SGSM2: variants seen among roughly 807,000 people sequenced by gnomAD.
SGSM2 encodes the protein RUN and TBC1 domain containing 1.
A neutral mutation model predicts 126.6 loss-of-function variants in SGSM2; 89 were observed. That is an observed-to-expected ratio of 0.70 (90% CI 0.59 to 0.84). The LOEUF (loss-of-function observed/expected upper bound fraction) is 0.84. Among genes scored for constraint, SGSM2 ranks in the 40% least tolerant of loss-of-function variants. SGSM2 has a pLI of 0.00. For synonymous variants in SGSM2, 614 were observed against 574.3 expected (o/e 1.07, Z -0.99); for missense variants, 1,404 against 1,416.6 (o/e 0.99, Z 0.14).
At position 2,375,366 on chromosome 17, in the gene SGSM2, T is replaced by C. The variant is rs951310233; in HGVS notation, c.2101-126T>C. On this transcript the variant is annotated intron_variant, in intron 17 of 23. Transcript: ENST00000268989. The stretch of plus-strand genomic sequence containing the variant: ...GCTTGGTGCCCCGTGGCCACAGTGT[T>C]GGAGGCTGTGGTGGGAGAGGGGGTG... 1.1e-5 allele frequency: 14 copies of C among 1,246,090 alleles called. No homozygotes were observed. The Admixed American group carries it at 1.8e-4, about 16-fold the overall frequency. The allele number at this position is 1,246,090 out of a possible 1,614,324, so 77.2% of individuals were successfully genotyped here.
intron 2 of SGSM2, among the ~76,000 whole-genome samples, chr17:2,350,799 G>C (rs141199946): frequency 6.6e-6 from 1 of 152,108 alleles, no homozygotes; most frequent in East Asian, 1.9e-4. Context: ...AGTCCCCTTC[G>C]GTGTGGTAGG....
chr17:2,339,707 C>CA (rs747440533), intron 1 of SGSM2, among the ~76,000 whole-genome samples: 1,890 of 59,916 alleles, frequency 0.032, 30 homozygotes, highest in African/African-American at 0.071. Flanking sequence ...CACTCCATCT[C>CA]AAAAAAAAAA....
intron 1 of SGSM2, among the ~76,000 whole-genome samples, chr17:2,342,611 C>T (rs143720753): frequency 5.2e-4 from 79 of 152,258 alleles, no homozygotes; most frequent in Admixed American, 1.4e-3. Flanking sequence ...AAATTCACCA[C>T]GCTGTGTAAT....
intron 2 of SGSM2, among the ~76,000 whole-genome samples, chr17:2,348,847 G>C (rs764111451): frequency 2.0e-5 from 3 of 152,008 alleles, no homozygotes; most frequent in East Asian, 1.9e-4. Context: ...ACTCAGCCTC[G>C]ACCTTCTGGG....
chr17:2,375,874 CTG>C lies in SGSM2; in HGVS notation c.2484+2_2484+3del. 1.3e-6 allele frequency: 2 copies of C among 1,519,104 alleles called. No individual in the cohort carries two copies. The highest frequency in any genetic ancestry group is 1.8e-6 in the Non-Finnish European group (2 of 1,141,720). The allele number at this position is 1,519,104 out of a possible 1,614,324, so 94.1% of individuals were successfully genotyped here. ...GCGGCTGTGTGTGCGGCTGCCTACA[CTG>C]TGCGTACATGCTCCCCAGGCTGTTC... On this transcript the variant is annotated splice_donor_variant and coding_sequence_variant, in exon 18 of 24. Coordinates refer to ENST00000268989, the MANE Select transcript of SGSM2 (RefSeq NM_014853.3). LOFTEE classifies it high-confidence loss of function.
At chr17:2,375,951 G>C in intron 18 of SGSM2, 76 bp downstream of exon 18, 1 of 1,513,518 alleles carries the variant, frequency 6.6e-7, no homozygotes. Context: ...GGAAGCGCTG[G>C]TGGGGTGGAA....
In SGSM2 at chr17:2,364,635, G is replaced by A. The variant is rs2065470806; in HGVS notation, c.972G>A (p.Gln324=). The A allele has an allele frequency of 6.2e-7, 1 of 1,614,094 alleles. No individual in the cohort carries two copies. The highest frequency in any genetic ancestry group is 1.3e-5 in the African/African-American group (1 of 74,932). ...WDYALVVPFS[Q]VVCIHCHQQK... is the part of the protein sequence containing the mutation. The stretch of plus-strand genomic sequence containing the variant: ...ATGCCCTCGTGGTGCCCTTCAGCCA[G>A]GTCGTGTGCATCCACTGCCACCAGC... Residue 324 remains glutamine, a synonymous_variant, in exon 9 of 24, where the codon CAG becomes CAA. Transcript: ENST00000268989.
Position 2,364,948 on chromosome 17 carries a change from CGCT to C in SGSM2, c.1055_1057del (p.Leu352del). ...AGCCAGGATGGCATCCAGAGGCCGC[CGCT>C]GCATTTCCCACAGGGAGGACACCTG... On this transcript the variant is annotated inframe_deletion, in exon 10 of 24. Coordinates refer to ENST00000268989, the MANE Select transcript of SGSM2 (RefSeq NM_014853.3). 1 of 1,613,138 alleles carries C rather than the reference CGCT, an allele frequency of 6.2e-7. No individual in the cohort carries two copies. The highest frequency in any genetic ancestry group is 1.7e-4 in the Middle Eastern group (1 of 6,038).
chr17:2,343,022 C>G (rs2064446567), intron 1 of SGSM2, among the ~76,000 whole-genome samples: 1 of 152,164 alleles, frequency 6.6e-6, no homozygotes, highest in Non-Finnish European at 1.5e-5. Context: ...GGAACTTTTA[C>G]ATCCAGGTGG....
rs138851417 is a variant in SGSM2 at position 2,349,788 on chromosome 17, G to GATTTTTTT, written c.133+6168_133+6169insATTTTTTT. Among the ~76,000 whole-genome samples, 4 of 147,516 alleles carry GATTTTTTT rather than the reference G, an allele frequency of 2.7e-5. 1 individual carries two copies. Among genetic ancestry groups the GATTTTTTT allele is most frequent in the Non-Finnish European group, 3.0e-5 (2 of 67,004 alleles). On this transcript the variant is annotated intron_variant, in intron 2 of 23. Coordinates refer to ENST00000268989, the MANE Select transcript of SGSM2 (RefSeq NM_014853.3). ...TGGTTGGAATTTTCCCTAGTGAAAT[G>GATTTTTTT]TTTTGTTTTTTTTTTTTGAGATGGA...
chr17:2,365,961 G>T (rs1294374546), intron 11 of SGSM2, among the ~76,000 whole-genome samples: 1 of 152,194 alleles, frequency 6.6e-6, no homozygotes, highest in East Asian at 1.9e-4. Flanking sequence ...GGCCAGGCTG[G>T]TCTCAAACTC....
At chr17:2,357,560 C>T (rs898578931) in intron 2 of SGSM2, among the ~76,000 whole-genome samples, 10 of 152,096 alleles carry the variant, frequency 6.6e-5, no homozygotes, top group Non-Finnish European at 8.8e-5. Flanking sequence ...TGCAATGGCG[C>T]GATCTCAACT....
Position 2,345,682 on chromosome 17 carries a change from G to T in SGSM2, c.133+2062G>T, listed in dbSNP as rs188762745. On this transcript the variant is annotated intron_variant, in intron 2 of 23. Transcript: ENST00000268989. Reference sequence around the variant, plus strand: ...AAAAAATTGTGTGGGCCACACAAAAGACATCTGCCAGCCTCTGCCAGTGTG... The same window carrying T: ...AAAAAATTGTGTGGGCCACACAAAATACATCTGCCAGCCTCTGCCAGTGTG... Among the ~76,000 whole-genome samples the T allele has an allele frequency of 2.0e-3, 299 of 151,172 alleles. 5 individuals carry two copies. The highest frequency in any genetic ancestry group is 6.6e-3 in the African/African-American group (273 of 41,152).
rs200941549 is a variant in SGSM2 at position 2,367,221 on chromosome 17, C to G, written c.1289-50C>G. On this transcript the variant is annotated intron_variant, in intron 11 of 23. Coordinates refer to ENST00000268989, the MANE Select transcript of SGSM2 (RefSeq NM_014853.3). This position sits in a 1 kb window ranked among gnomAD's most constrained non-coding sequence, Gnocchi z 4.0. ...CCCTTAAGGAGGGAGTCCGTCCTGCCCAGGGATGAGGGCCTCATGCCTCTG... is the reference window on the plus strand; with the variant it reads ...CCCTTAAGGAGGGAGTCCGTCCTGCGCAGGGATGAGGGCCTCATGCCTCTG... 2 of 1,579,602 alleles carry G rather than the reference C, an allele frequency of 1.3e-6. No individual in the cohort carries two copies. The highest frequency in any genetic ancestry group is 1.7e-6 in the Non-Finnish European group (2 of 1,162,786).
chr17:2,352,654 A>G (rs892650499), intron 2 of SGSM2, among the ~76,000 whole-genome samples: 23 of 152,058 alleles, frequency 1.5e-4, no homozygotes, highest in Non-Finnish European at 3.1e-4. Flanking sequence ...GCAGCTTTCA[A>G]CGTAGATATA....
intron 12 of SGSM2, among the ~76,000 whole-genome samples, chr17:2,369,384 C>G (rs2065751255): frequency 6.6e-6 from 1 of 152,278 alleles, no homozygotes; most frequent in South Asian, 2.1e-4. Flanking sequence ...ACCTTTCACT[C>G]GGAGTCTTAG....
intron 11 of SGSM2, among the ~76,000 whole-genome samples, chr17:2,365,904 C>T (rs1018252986): frequency 2.0e-5 from 3 of 152,106 alleles, no homozygotes; most frequent in African/African-American, 7.2e-5. Context: ...CACCTCCATG[C>T]CCGGCTAATT....
chr17:2,364,618 G>C lies in SGSM2; in HGVS notation c.955G>C (p.Val319Leu), dbSNP rs141890015. 1 of 1,614,198 alleles carries C rather than the reference G, an allele frequency of 6.2e-7. No homozygotes were observed. Among genetic ancestry groups the C allele is most frequent in the Admixed American group, 1.7e-5 (1 of 60,024 alleles). Reference protein sequence around the residue: ...EKSVYWDYALVVPFSQVVCIH... With the variant: ...EKSVYWDYALLVPFSQVVCIH... ...TAGCGTTTACTGGGACTATGCCCTCGTGGTGCCCTTCAGCCAGGTCGTGTG... is the reference window on the plus strand; with the variant it reads ...TAGCGTTTACTGGGACTATGCCCTCCTGGTGCCCTTCAGCCAGGTCGTGTG... Residue 319 changes from valine (V) to leucine (L), a missense_variant, in exon 9 of 24, where the codon GTG becomes CTG. By Grantham distance (32) the Val-to-Leu change is conservative (BLOSUM62 1). Coordinates refer to ENST00000268989, the MANE Select transcript of SGSM2 (RefSeq NM_014853.3).
At chr17:2,351,703 C>G (rs927113624) in intron 2 of SGSM2, among the ~76,000 whole-genome samples, 1 of 152,246 alleles carries the variant, frequency 6.6e-6, no homozygotes, top group African/African-American at 2.4e-5. Flanking sequence ...GTCTGCAGGT[C>G]TACGCACCAC....
Sources: gnomAD v4.1 joint callset for allele counts (sites outside exome capture counted in the v4.1 genomes callset) on GRCh38, gnomAD v4.1.1 for gene constraint, Gnocchi (gnomAD v3.1) non-coding constraint, MANE v1.5 for transcripts, NCBI Gene and HGNC (gene_info 2026-07-23, HGNC 2026-07-21) for gene names.